The following TIMD4 variants were observed in gnomAD, a reference collection of about 807,000 sequenced individuals.
The protein encoded by TIMD4 is T-cell immunoglobulin and mucin domain-containing protein 4.
TIMD4 carries 31 observed loss-of-function variants against 41.2 expected under a neutral mutation model. The ratio of observed to expected loss-of-function variants is 0.75; its 90% CI spans 0.57 to 1.01. The LOEUF (loss-of-function observed/expected upper bound fraction) is 1.01. Ranked by LOEUF, TIMD4 falls within the 50% of genes least tolerant of loss-of-function variation. The pLI is 0.00. For synonymous variants in TIMD4, 204 were observed against 177.1 expected (o/e 1.15, Z -1.21); for missense variants, 479 against 472.5 (o/e 1.01, Z -0.13).
intron 5 of TIMD4, among the ~76,000 whole-genome samples, chr5:156,941,798 A>G (rs1442580245): frequency 6.6e-6 from 1 of 152,246 alleles, no homozygotes; most frequent in Non-Finnish European, 1.5e-5. Flanking sequence ...ATAAAGTGCA[A>G]CCAAATATAT....
At chr5:156,949,448 TCCTCCTTCTC>T (rs1561552172) in intron 4 of TIMD4, among the ~76,000 whole-genome samples, 193 bp downstream of exon 4, 1 of 151,170 alleles carries the variant, frequency 6.6e-6, no homozygotes, top group Non-Finnish European at 1.5e-5. Flanking sequence ...CTCCTCCTCC[TCCTCCTTCTC>T]TCTCTCTCTC....
chr5:156,922,099 C>T lies in TIMD4; in HGVS notation c.1012G>A (p.Gly338Arg), dbSNP rs781780189. Residue 338 changes from glycine to arginine, a missense_variant and splice_region_variant, in exon 7 of 9, where the codon GGG (glycine) becomes AGG (arginine). Gly to Arg is a moderately radical substitution (Grantham distance 125, BLOSUM62 -2). Coordinates refer to ENST00000274532, the MANE Select transcript of TIMD4 (RefSeq NM_138379.3). ...CCATCACCTGGCCCTCCCTCCTTAC[C>T]TCTCAGGAGAAACGCCACAAACAAT... The part of the protein sequence containing the change: ...FALFVAFLLR[G>R]KLMETYCSQK... 1.9e-6 allele frequency: 3 copies of T among 1,612,664 alleles called. No individual in the cohort carries two copies. The highest frequency in any genetic ancestry group is 1.1e-5 in the South Asian group (1 of 90,840).
intron 5 of TIMD4, among the ~76,000 whole-genome samples, chr5:156,927,221 G>C (rs1759364036): frequency 6.6e-6 from 1 of 152,244 alleles, no homozygotes; most frequent in African/African-American, 2.4e-5. Flanking sequence ...TCACTACTGA[G>C]ACTGTGATAC....
In TIMD4 at chr5:156,954,627, C is replaced by T; in HGVS notation, c.188G>A (p.Gly63Asp). 3 of 1,614,226 alleles carry T rather than the reference C, an allele frequency of 1.9e-6. No homozygotes were observed. Among genetic ancestry groups the T allele is most frequent in the Non-Finnish European group, 2.5e-6 (3 of 1,180,044 alleles). ...AGTGCGGATGAGCGCCTCCTTGCAA[C>T]CGGAGTAGGGGCACTGGTCTTTCCC... ...CWGKDQCPYSGCKEALIRTDG... is the reference protein window; with the variant it reads ...CWGKDQCPYSDCKEALIRTDG... The change falls in exon 2 of 9, where the codon GGT becomes GAT. Residue 63 changes from glycine (G) to aspartate (D), a missense_variant. Transcript: ENST00000274532.
intron 2 of TIMD4, among the ~76,000 whole-genome samples, chr5:156,953,921 T>G (rs1421046185): frequency 6.6e-6 from 1 of 152,200 alleles, no homozygotes; most frequent in Non-Finnish European, 1.5e-5. Flanking sequence ...CAACTGATAG[T>G]AACAGAAGAA....
chr5:156,927,640 AAG>A (rs1265431585), intron 5 of TIMD4, among the ~76,000 whole-genome samples: 4 of 152,120 alleles, frequency 2.6e-5, no homozygotes, highest in Non-Finnish European at 5.9e-5. Context: ...AGTAAAACCA[AAG>A]AGAGAGAGAG....
At chr5:156,950,695 A>G (rs1331021314) in intron 3 of TIMD4, among the ~76,000 whole-genome samples, 2 of 152,116 alleles carry the variant, frequency 1.3e-5, no homozygotes, top group East Asian at 1.9e-4. Flanking sequence ...ATTCCAGGGG[A>G]AAAAAAAGAA....
At chr5:156,920,025 G>T (rs1300248453) in intron 8 of TIMD4, among the ~76,000 whole-genome samples, 1 of 151,982 alleles carries the variant, frequency 6.6e-6, no homozygotes, top group Non-Finnish European at 1.5e-5. Flanking sequence ...TTTTAAAAAG[G>T]CCCCAAAACA....
intron 1 of TIMD4, among the ~76,000 whole-genome samples, chr5:156,962,831 C>T (rs868131877): frequency 6.6e-6 from 1 of 152,206 alleles, no homozygotes; most frequent in African/African-American, 2.4e-5. Context: ...ATATGAATAA[C>T]ACCCATAGAG....
intron 5 of TIMD4, among the ~76,000 whole-genome samples, chr5:156,937,381 A>G (rs1481267127): frequency 7.0e-6 from 1 of 143,502 alleles, no homozygotes; most frequent in African/African-American, 2.5e-5. Context: ...AGGGCAGAAA[A>G]CAGAGAGAGA....
At chr5:156,928,925 C>T (rs778845357) in intron 5 of TIMD4, among the ~76,000 whole-genome samples, 4 of 152,170 alleles carry the variant, frequency 2.6e-5, no homozygotes, top group Non-Finnish European at 5.9e-5. Context: ...AACAGAAAAG[C>T]CAGCCTGGGT....
At chr5:156,954,135 T>C (rs1404691633) in intron 2 of TIMD4, among the ~76,000 whole-genome samples, 1 of 152,198 alleles carries the variant, frequency 6.6e-6, no homozygotes, top group Non-Finnish European at 1.5e-5. Flanking sequence ...CTGAAAACAC[T>C]GGACCCAAAT....
chr5:156,954,361 C>G, intron 2 of TIMD4, 54 bp downstream of exon 2: 7 of 1,524,924 alleles, frequency 4.6e-6, no homozygotes, highest in Non-Finnish European at 6.3e-6. Flanking sequence ...ATCCCATTGT[C>G]CATTAACCAC....
chr5:156,929,984 T>G (rs1759417327), intron 5 of TIMD4, among the ~76,000 whole-genome samples: 1 of 152,222 alleles, frequency 6.6e-6, no homozygotes, highest in African/African-American at 2.4e-5. Flanking sequence ...TATTTATTTA[T>G]TTTGGAGACA....
chr5:156,920,879 T>A (rs1272024592), intron 7 of TIMD4, among the ~76,000 whole-genome samples: 1 of 152,242 alleles, frequency 6.6e-6, no homozygotes, highest in Non-Finnish European at 1.5e-5. Flanking sequence ...AGGATTCCAG[T>A]AAATTTTAAA....
Position 156,951,504 on chromosome 5 carries a change from C to A in TIMD4, c.679+8G>T. 1 of 1,613,994 alleles carries A rather than the reference C, an allele frequency of 6.2e-7. No individual in the cohort carries two copies. Among genetic ancestry groups the A allele is most frequent in the Non-Finnish European group, 8.5e-7 (1 of 1,179,924 alleles). On this transcript the variant is annotated splice_region_variant and intron_variant, in intron 3 of 8. Transcript: ENST00000274532. ...CTGTTCTAAGAAACCCAAGATACATCTGCGTACCTGCAGTGAGGATGGGCC... is the reference window on the plus strand; with the variant it reads ...CTGTTCTAAGAAACCCAAGATACATATGCGTACCTGCAGTGAGGATGGGCC...
intron 1 of TIMD4, among the ~76,000 whole-genome samples, chr5:156,956,701 A>T (rs1759977700): frequency 6.6e-6 from 1 of 152,164 alleles, no homozygotes; most frequent in Admixed American, 6.5e-5. Context: ...ATTATTCTAA[A>T]CCATTTCCTT....
At chr5:156,929,279 T>C (rs1478506259) in intron 5 of TIMD4, among the ~76,000 whole-genome samples, 2 of 152,276 alleles carry the variant, frequency 1.3e-5, no homozygotes, top group South Asian at 2.1e-4. Context: ...CTGACACATG[T>C]ACATTGAGAC....
At position 156,922,164 on chromosome 5, in the gene TIMD4, A is replaced by T. The variant is rs754622700; in HGVS notation, c.947T>A (p.Leu316Gln). ...MKNEMPISQL[L>Q]MIIAPSLGFV... Reference sequence around the variant, plus strand: ...TCCCAAGGAGGGGGCGATGATCATCAGTAGTTGGGAGATGGGCATTTCATT... The same window carrying T: ...TCCCAAGGAGGGGGCGATGATCATCTGTAGTTGGGAGATGGGCATTTCATT... The change falls in exon 7 of 9, where the codon CTG becomes CAG. Residue 316 changes from leucine (L) to glutamine (Q), a missense_variant. Leu to Gln is a moderately radical substitution (Grantham distance 113). Coordinates refer to ENST00000274532, the MANE Select transcript of TIMD4 (RefSeq NM_138379.3). 3.0e-5 allele frequency: 48 copies of T among 1,613,982 alleles called. No homozygotes were observed. The East Asian group carries it at 1.0e-3, about 35-fold the overall frequency.
Sources: gnomAD v4.1 joint callset for allele counts (sites outside exome capture counted in the v4.1 genomes callset) on GRCh38, gnomAD v4.1.1 for gene constraint, MANE v1.5 for transcripts, NCBI Gene and HGNC (gene_info 2026-07-23, HGNC 2026-07-21) for gene names.